The following PHACTR2 variants were observed in gnomAD, a reference collection of about 807,000 sequenced individuals.
The protein encoded by PHACTR2 is phosphatase and actin regulator 2.
PHACTR2 carries 30 observed loss-of-function variants against 76.0 expected under a neutral mutation model. That is an observed-to-expected ratio of 0.39 (90% CI 0.30 to 0.54). The LOEUF (loss-of-function observed/expected upper bound fraction) is 0.54. Ranked by LOEUF, PHACTR2 falls within the 20% of genes least tolerant of loss-of-function variation. The probability of loss-of-function intolerance (pLI) is 0.61; values close to 1 mark genes in which losing one functional copy is unlikely to be tolerated. For missense variants in PHACTR2, 696 were observed against 781.1 expected (o/e 0.89, Z 1.30); for synonymous variants, 292 against 292.5 (o/e 1.00, Z 0.02).
In PHACTR2 at chr6:143,585,245, T is replaced by C. The variant is rs977663908; in HGVS notation, c.217+48038T>C. On this transcript the variant is annotated intron_variant, in intron 1 of 11. Transcript: ENST00000367584. This position sits in a 1 kb window ranked among gnomAD's most constrained non-coding sequence, Gnocchi z 5.2. The stretch of plus-strand genomic sequence containing the variant: ...GCAGCAAGAATATGGAGGAAGGGAA[T>C]TTGAGGTAGAGAAGGTGTTGGAAAC... 8.6e-5 allele frequency among the ~76,000 whole-genome samples: 13 copies of C among 151,730 alleles called. No individual in the cohort carries two copies. Among genetic ancestry groups the C allele is most frequent in the African/African-American group, 2.9e-4 (12 of 41,272 alleles).
intron 1 of PHACTR2, among the ~76,000 whole-genome samples, chr6:143,563,872 C>T (rs928675386): frequency 5.3e-5 from 8 of 150,930 alleles, no homozygotes; most frequent in Middle Eastern, 3.4e-3. Flanking sequence ...GGTGTGGTGG[C>T]GCACACCTGT....
At position 143,774,124 on chromosome 6, in the gene PHACTR2, A is replaced by C. The variant is rs918814471; in HGVS notation, c.1498A>C (p.Lys500Gln). ...TATCAAACTTGGCAACAGACCATCTAAGAAAGAACTAGAGGACAAAAACAT... is the reference window on the plus strand; with the variant it reads ...TATCAAACTTGGCAACAGACCATCTCAGAAAGAACTAGAGGACAAAAACAT... ...LAIKLGNRPS[K>Q]KELEDKNILQ... The change falls in exon 8 of 13, where the codon AAG becomes CAG. Residue 500 changes from lysine (K) to glutamine (Q), a missense_variant. Physicochemically the swap from Lys to Gln is moderately conservative, Grantham distance 53 (BLOSUM62 1). Coordinates refer to ENST00000440869, the MANE Select transcript of PHACTR2 (RefSeq NM_001100164.2). This position sits in a 1 kb window ranked among gnomAD's most constrained non-coding sequence, Gnocchi z 5.4. The C allele has an allele frequency of 3.1e-6, 5 of 1,613,740 alleles. No homozygotes were observed. The highest frequency in any genetic ancestry group is 4.2e-6 in the Non-Finnish European group (5 of 1,179,736).
chr6:143,803,862 C>T lies in PHACTR2; in HGVS notation c.1846-3195C>T, dbSNP rs1776012527. Among the ~76,000 whole-genome samples the T allele has an allele frequency of 6.6e-6, 1 of 152,166 alleles. No homozygotes were observed. Among genetic ancestry groups the T allele is most frequent in the African/African-American group, 2.4e-5 (1 of 41,452 alleles). ...TTGCGAAAATAAAAGCAAGATATTT[C>T]ATGACAAACTTATCCTGAGGTAAAC... On this transcript the variant is annotated intron_variant, in intron 11 of 12. Coordinates refer to ENST00000440869, the MANE Select transcript of PHACTR2 (RefSeq NM_001100164.2). The surrounding 1 kb of genome is among the most constrained non-coding windows in gnomAD (Gnocchi z 4.7).
In PHACTR2 at chr6:143,730,075, A is replaced by G. The variant is rs759743939; in HGVS notation, c.214+17892A>G. Reference sequence around the variant, plus strand: ...ACTATCTTGATTATTATAGCTTTATAAGTCTGAAAATTAGGTAGTGTGATT... The same window carrying G: ...ACTATCTTGATTATTATAGCTTTATGAGTCTGAAAATTAGGTAGTGTGATT... On this transcript the variant is annotated intron_variant, in intron 2 of 12. Transcript: ENST00000440869. The surrounding 1 kb of genome is among the most constrained non-coding windows in gnomAD (Gnocchi z 4.8). Among the ~76,000 whole-genome samples, 2 of 152,174 alleles carry G rather than the reference A, an allele frequency of 1.3e-5. No homozygotes were observed. The highest frequency in any genetic ancestry group is 2.9e-5 in the Non-Finnish European group (2 of 68,012).
chr6:143,762,569 T>C (rs1779467098), intron 5 of PHACTR2, among the ~76,000 whole-genome samples: 1 of 152,258 alleles, frequency 6.6e-6, no homozygotes, highest in Non-Finnish European at 1.5e-5. Flanking sequence ...ATCCTACTGA[T>C]AGTCCATTTG....
chr6:143,564,249 A>C (rs1554287871), intron 1 of PHACTR2, among the ~76,000 whole-genome samples: 1 of 117,360 alleles, frequency 8.5e-6, no homozygotes, highest in African/African-American at 3.2e-5. Context: ...ATGCCACTGC[A>C]CTCTAACCTT....
At position 143,647,321 on chromosome 6, in the gene PHACTR2, G is replaced by T. The variant is rs1776676685; in HGVS notation, c.13+38999G>T. The stretch of plus-strand genomic sequence containing the variant: ...TCACGTGGCTAATGAGTAATAACAA[G>T]ATTCAAAATCAAAACAACCTGACCC... On this transcript the variant is annotated intron_variant, in intron 1 of 11. Coordinates refer to the PHACTR2 transcript ENST00000305766. This position sits in a 1 kb window ranked among gnomAD's most constrained non-coding sequence, Gnocchi z 4.2. Among the ~76,000 whole-genome samples the T allele has an allele frequency of 6.6e-6, 1 of 152,150 alleles. No individual in the cohort carries two copies. Among genetic ancestry groups the T allele is most frequent in the African/African-American group, 2.4e-5 (1 of 41,424 alleles).
In PHACTR2 at chr6:143,823,655, T is replaced by A. The variant is rs963925170; in HGVS notation, c.1923-19T>A. ...GTGCTCCTAGGCCACAGGCTTATAG[T>A]TTCTATTTCTTACTCCAGGTTTCAT... is the stretch of plus-strand genomic sequence containing the variant. On this transcript the variant is annotated intron_variant, in intron 12 of 12. Coordinates refer to ENST00000440869, the MANE Select transcript of PHACTR2 (RefSeq NM_001100164.2). This position sits in a 1 kb window ranked among gnomAD's most constrained non-coding sequence, Gnocchi z 5.7. The A allele has an allele frequency of 6.2e-7, 1 of 1,608,384 alleles. No homozygotes were observed. The highest frequency in any genetic ancestry group is 1.3e-5 in the African/African-American group (1 of 74,788).
At chr6:143,607,968 A>G (rs1775905572), upstream of PHACTR2, among the ~76,000 whole-genome samples, 1 of 152,196 alleles carries the variant, frequency 6.6e-6, no homozygotes, top group Non-Finnish European at 1.5e-5. Flanking sequence ...TGTGTTTTGC[A>G]TAGCATGTGC....
intron 1 of PHACTR2, among the ~76,000 whole-genome samples, chr6:143,640,124 T>C (rs866133141): frequency 6.6e-5 from 10 of 152,234 alleles, no homozygotes; most frequent in Non-Finnish European, 1.2e-4. Flanking sequence ...CTGATGCTGG[T>C]GTAAACAAAC....
chr6:143,574,841 A>G (rs1210666104), intron 1 of PHACTR2, among the ~76,000 whole-genome samples: 1 of 152,006 alleles, frequency 6.6e-6, no homozygotes, highest in Non-Finnish European at 1.5e-5. Flanking sequence ...CTCTCCCCCA[A>G]TTTTTTAAAA....
In PHACTR2 at chr6:143,689,009, G is replaced by A. The variant is rs965786100; in HGVS notation, c.46+10800G>A. 3.9e-5 allele frequency among the ~76,000 whole-genome samples: 6 copies of A among 152,090 alleles called. No individual in the cohort carries two copies. Among genetic ancestry groups the A allele is most frequent in the Non-Finnish European group, 1.5e-5 (1 of 68,008 alleles). On this transcript the variant is annotated intron_variant, in intron 1 of 12. Coordinates refer to ENST00000440869, the MANE Select transcript of PHACTR2 (RefSeq NM_001100164.2). This position sits in a 1 kb window ranked among gnomAD's most constrained non-coding sequence, Gnocchi z 4.4. ...ACCTCATCTTCCATCACTTTGCTCT[G>A]GTCCCCTCACTGCCTTTTTCAGTCC...
At position 143,787,770 on chromosome 6, in the gene PHACTR2, AT is replaced by A. The variant is rs1174444516; in HGVS notation, c.1708-1002del. 2.0e-5 allele frequency among the ~76,000 whole-genome samples: 3 copies of A among 152,170 alleles called. No homozygotes were observed. Among genetic ancestry groups the A allele is most frequent in the African/African-American group, 7.2e-5 (3 of 41,440 alleles). ...CCCACTCTGTTTAAATAAAAAAAAA[AT>A]AAGCAATATCTCCGGAGAGGACCAC... On this transcript the variant is annotated intron_variant, in intron 10 of 12. Transcript: ENST00000440869. The surrounding 1 kb of genome is among the most constrained non-coding windows in gnomAD (Gnocchi z 4.6).
intron 1 of PHACTR2, among the ~76,000 whole-genome samples, chr6:143,629,880 TG>T (rs1042875892): frequency 1.2e-4 from 19 of 152,184 alleles, no homozygotes; most frequent in Admixed American, 1.2e-3. Context: ...TATTCATTGC[TG>T]GGAACAACCT....
intron 3 of PHACTR2, among the ~76,000 whole-genome samples, chr6:143,749,380 G>T (rs1413149773): frequency 6.6e-6 from 1 of 152,108 alleles, no homozygotes; most frequent in Non-Finnish European, 1.5e-5. Flanking sequence ...CTATTCTTGA[G>T]CTTCAGTCTT....
At position 143,775,476 on chromosome 6, in the gene PHACTR2, C is replaced by G. The variant is rs1304166897; in HGVS notation, c.1589+1261C>G. Among the ~76,000 whole-genome samples the G allele has an allele frequency of 6.6e-6, 1 of 152,052 alleles. No individual in the cohort carries two copies. The highest frequency in any genetic ancestry group is 1.5e-5 in the Non-Finnish European group (1 of 68,014). On this transcript the variant is annotated intron_variant, in intron 8 of 12. Coordinates refer to ENST00000440869, the MANE Select transcript of PHACTR2 (RefSeq NM_001100164.2). This position sits in a 1 kb window ranked among gnomAD's most constrained non-coding sequence, Gnocchi z 4.4. ...TACAGTTCTAAACTTGCCATCTTAC[C>G]AAGGAAAAACAAGGGGCCTCTCTGA...
At chr6:143,713,477 C>T (rs1371501705) in intron 2 of PHACTR2, among the ~76,000 whole-genome samples, 1 of 152,102 alleles carries the variant, frequency 6.6e-6, no homozygotes, top group Non-Finnish European at 1.5e-5. Flanking sequence ...AGAAGAGAAA[C>T]TTGGCTTAAG....
Position 143,591,676 on chromosome 6 carries a change from G to T in PHACTR2, c.217+54469G>T, listed in dbSNP as rs994448451. 6.6e-6 allele frequency among the ~76,000 whole-genome samples: 1 copy of T among 152,242 alleles called. No individual in the cohort carries two copies. The highest frequency in any genetic ancestry group is 1.5e-5 in the Non-Finnish European group (1 of 68,040). ...ATTGAGGACATCTCAGAGAATTCCA[G>T]TGGCGATAGATGACGATCCCAATGC... On this transcript the variant is annotated intron_variant, in intron 1 of 11. Coordinates refer to the PHACTR2 transcript ENST00000367584. The surrounding 1 kb of genome is among the most constrained non-coding windows in gnomAD (Gnocchi z 6.4).
rs951734964 is a variant in PHACTR2 at position 143,826,345 on chromosome 6, CAACCAGT to C, written c.*2659_*2665del. 6.6e-6 allele frequency: 1 copy of C among 152,248 alleles called. No individual in the cohort carries two copies. The highest frequency in any genetic ancestry group is 1.5e-5 in the Non-Finnish European group (1 of 68,066). 9.4% of individuals were successfully genotyped at this position (152,248 alleles called of 1,614,324 possible). A position where few individuals can be genotyped will look rare whatever the true frequency, so the allele number is the denominator to read the frequency against. ...GTCCACCACCAGCGTTTCAGCAATC[CAACCAGT>C]AAGCATATGCTGTATAGGAAAAATA... On this transcript the variant is annotated 3_prime_UTR_variant, in exon 13 of 13. Transcript: ENST00000440869.
Sources: gnomAD v4.1 joint callset for allele counts (sites outside exome capture counted in the v4.1 genomes callset) on GRCh38, gnomAD v4.1.1 for gene constraint, Gnocchi (gnomAD v3.1) non-coding constraint, MANE v1.5 for transcripts, NCBI Gene and HGNC (gene_info 2026-07-23, HGNC 2026-07-21) for gene names.